Variants in DNAH11 observed in about 807,000 individuals in gnomAD.
DNAH11 encodes the protein dynein axonemal heavy chain 11, also known as axonemal beta dynein heavy chain 11.
DNAH11 carries 442 observed loss-of-function variants against 526.0 expected under a neutral mutation model. The observed-to-expected ratio is 0.84, with a 90% CI of 0.78 to 0.91. DNAH11 has a LOEUF of 0.91. Among genes scored for constraint, DNAH11 ranks in the 40% least tolerant of loss-of-function variants. DNAH11 has a pLI of 0.00. For missense variants in DNAH11, 6,989 were observed against 5,448.7 expected (o/e 1.28, Z -8.90); for synonymous variants, 2,461 against 1,935.9 (o/e 1.27, Z -7.12).
rs769000578 is a variant in DNAH11 at position 21,698,111 on chromosome 7, C to G, written c.6078C>G (p.Ile2026Met). The G allele has an allele frequency of 2.5e-6, 4 of 1,613,454 alleles. No individual in the cohort carries two copies. Among genetic ancestry groups the G allele is most frequent in the Admixed American group, 1.7e-5 (1 of 59,910 alleles). The stretch of plus-strand genomic sequence containing the variant: ...TGGTGGCCCCTGACATTGAGCTAAT[C>G]TGTGAAATCTTGTTAGTTGCTGAAG... ...CAMVAPDIELICEILLVAEGF... is the reference protein window; with the variant it reads ...CAMVAPDIELMCEILLVAEGF... The change falls in exon 36 of 82, where the codon ATC (isoleucine) becomes ATG (methionine). Residue 2026 changes from isoleucine (I) to methionine (M), a missense_variant. Transcript: ENST00000409508.
Position 21,773,948 on chromosome 7 carries a change from A to G in DNAH11, c.9285A>G (p.Lys3095=). The G allele has an allele frequency of 6.3e-7, 1 of 1,588,432 alleles. No homozygotes were observed. The part of the protein sequence containing the change: ...LKKKQNEVSE[K]KERLVNGIQK... ...AGAAGCAAAATGAGGTATCCGAGAA[A>G]AAAGAACGCCTGGTGAACGGCATCC... is the stretch of plus-strand genomic sequence containing the variant. The change falls in exon 56 of 82, where the codon AAA becomes AAG. Residue 3095 remains lysine, a synonymous_variant. Transcript: ENST00000409508.
At chr7:21,679,809 G>A (rs1233869501) in intron 30 of DNAH11, among the ~76,000 whole-genome samples, 1 of 152,058 alleles carries the variant, frequency 6.6e-6, no homozygotes, top group East Asian at 1.9e-4. Flanking sequence ...GTGGTTAATA[G>A]GGCTTTGACT....
intron 20 of DNAH11, among the ~76,000 whole-genome samples, chr7:21,613,498 ATG>A (rs1785626358): frequency 6.6e-6 from 1 of 152,072 alleles, no homozygotes; most frequent in African/African-American, 2.4e-5. Context: ...CAGTTCTTGT[ATG>A]TGAAGATATA....
chr7:21,824,163 T>G (rs187482089), intron 65 of DNAH11, among the ~76,000 whole-genome samples: 1 of 151,996 alleles, frequency 6.6e-6, no homozygotes, highest in Admixed American at 6.6e-5. Context: ...CTAGGAGGAG[T>G]ATTTTGGGTT....
chr7:21,635,553 CCAGTGCTGAACCCCCA>C (rs1293520192), intron 25 of DNAH11, among the ~76,000 whole-genome samples: 1 of 152,112 alleles, frequency 6.6e-6, no homozygotes, highest in African/African-American at 2.4e-5. Flanking sequence ...AGTTTAATTC[CCAGTGCTGAACCCCCA>C]ATACACAGTA....
chr7:21,759,311 C>G (rs1056930541), intron 54 of DNAH11, among the ~76,000 whole-genome samples: 1 of 152,140 alleles, frequency 6.6e-6, no homozygotes, highest in Non-Finnish European at 1.5e-5. Context: ...AATATTTACA[C>G]AAGTCAAAGG....
intron 25 of DNAH11, among the ~76,000 whole-genome samples, chr7:21,635,024 A>T: frequency 6.6e-6 from 1 of 152,184 alleles, no homozygotes; most frequent in Non-Finnish European, 1.5e-5. Flanking sequence ...ACTGCAACCA[A>T]TACTTGAAAA....
intron 32 of DNAH11, among the ~76,000 whole-genome samples, chr7:21,684,947 T>C (rs1783307287): frequency 6.6e-6 from 1 of 152,214 alleles, no homozygotes; most frequent in South Asian, 2.1e-4. Context: ...AATTATCCAC[T>C]ATCACCGAAG....
At position 21,720,885 on chromosome 7, in the gene DNAH11, G is replaced by A. The variant is rs116634743; in HGVS notation, c.7266+29G>A. 1,995 of 1,604,076 alleles carry A rather than the reference G, an allele frequency of 1.2e-3. 26 individuals carry two copies. The African/African-American group carries it at 0.024, about 19-fold the overall frequency. On this transcript the variant is annotated intron_variant, in intron 44 of 81. Transcript: ENST00000409508. Reference sequence around the variant, plus strand: ...TGTTTAGAAATAGTTTACAGGACCAGTTTCCAGTTTTGTGTGGGACAGGGT... The same window carrying A: ...TGTTTAGAAATAGTTTACAGGACCAATTTCCAGTTTTGTGTGGGACAGGGT...
Position 21,784,454 on chromosome 7 carries a change from C to G in DNAH11, c.9511C>G (p.Gln3171Glu). Residue 3171 changes from glutamine (Q) to glutamate (E), a missense_variant, in exon 58 of 82, where the codon CAG (glutamine) becomes GAG (glutamate). Coordinates refer to ENST00000409508, the MANE Select transcript of DNAH11 (RefSeq NM_001277115.2). Reference protein sequence around the residue: ...KVTAIQTEVFQKQRECEADLL... With the variant: ...KVTAIQTEVFEKQRECEADLL... ...GACAGCCATTCAGACTGAAGTGTTCCAGAAACAGAGAGAATGTGAAGCTGA... is the reference window on the plus strand; with the variant it reads ...GACAGCCATTCAGACTGAAGTGTTCGAGAAACAGAGAGAATGTGAAGCTGA... 1 of 1,613,284 alleles carries G rather than the reference C, an allele frequency of 6.2e-7. No individual in the cohort carries two copies. Among genetic ancestry groups the G allele is most frequent in the Non-Finnish European group, 8.5e-7 (1 of 1,179,612 alleles).
intron 32 of DNAH11, 107 bp downstream of exon 32, chr7:21,684,051 G>T: frequency 8.6e-7 from 1 of 1,156,146 alleles, no homozygotes; most frequent in Non-Finnish European, 1.2e-6. Flanking sequence ...AATGAACTAT[G>T]TGAAAGTGGT....
intron 32 of DNAH11, among the ~76,000 whole-genome samples, chr7:21,685,095 A>G (rs529528616): frequency 1.3e-5 from 2 of 152,330 alleles, no homozygotes; most frequent in African/African-American, 2.4e-5. Context: ...TGTGTATTGT[A>G]TAGTTTCTAT....
intron 5 of DNAH11, 31 bp downstream of exon 5, chr7:21,561,201 A>G (rs755341137): frequency 1.8e-5 from 27 of 1,477,820 alleles, no homozygotes; most frequent in South Asian, 1.6e-4. Flanking sequence ...CCTGGCATCA[A>G]TATCACCATC....
At chr7:21,675,462 T>C (rs551691989) in intron 30 of DNAH11, among the ~76,000 whole-genome samples, 1 of 152,322 alleles carries the variant, frequency 6.6e-6, no homozygotes, top group Admixed American at 6.5e-5. Context: ...GCCTTTCTAA[T>C]CCCTATATCA....
Position 21,683,830 on chromosome 7 carries a change from G to A in DNAH11, c.5507G>A (p.Arg1836Gln), listed in dbSNP as rs754715648. The A allele has an allele frequency of 1.8e-5, 29 of 1,612,694 alleles. No individual in the cohort carries two copies. The highest frequency in any genetic ancestry group is 2.2e-5 in the Non-Finnish European group (26 of 1,179,346). ...ACATGGCTGTCTCAACTTCGTCACC[G>A]ATGGGAGGATACCCAGAAACACTGC... ...AFTWLSQLRH[R>Q]WEDTQKHCFV... is the part of the protein sequence containing the mutation. The change falls in exon 32 of 82, where the codon CGA becomes CAA. Residue 1836 changes from arginine (R) to glutamine (Q), a missense_variant. Transcript: ENST00000409508.
At chr7:21,683,465 C>A (rs1205799253) in intron 31 of DNAH11, among the ~76,000 whole-genome samples, 2 of 152,114 alleles carry the variant, frequency 1.3e-5, no homozygotes, top group Non-Finnish European at 1.5e-5. Flanking sequence ...TATATTTTTC[C>A]ATCTGACTTC....
intron 25 of DNAH11, among the ~76,000 whole-genome samples, chr7:21,624,753 A>G (rs548322504): frequency 2.8e-4 from 43 of 152,308 alleles, no homozygotes; most frequent in Non-Finnish European, 5.0e-4. Context: ...AGTTTTAATC[A>G]TGAAATGATG....
chr7:21,832,213 C>T (rs7799414), intron 65 of DNAH11, among the ~76,000 whole-genome samples: 11,621 of 152,084 alleles, frequency 0.076, 1,351 homozygotes, highest in African/African-American at 0.25. Context: ...GAATTTGATC[C>T]TGTCATTATG....
intron 54 of DNAH11, among the ~76,000 whole-genome samples, chr7:21,754,641 T>G (rs1022799625): frequency 2.6e-5 from 4 of 150,964 alleles, no homozygotes; most frequent in Admixed American, 6.6e-5. Flanking sequence ...AGGAAGTTGG[T>G]TTTTTTTGTT....
Sources: allele counts gnomAD v4.1 joint callset (sites outside exome capture counted in the v4.1 genomes callset), GRCh38; gene constraint gnomAD v4.1.1; transcripts MANE v1.5; gene names NCBI Gene and HGNC (gene_info 2026-07-23, HGNC 2026-07-21).